Variants in SV2C observed in about 807,000 individuals in gnomAD.
SV2C encodes solute carrier family 22 member B3.
In SV2C, 49 loss-of-function variants were observed where a neutral mutation model predicts 79.7. The observed-to-expected ratio is 0.61, with a 90% CI of 0.49 to 0.78. The LOEUF (loss-of-function observed/expected upper bound fraction) is 0.78. Ranked by LOEUF, SV2C falls within the 30% of genes least tolerant of loss-of-function variation. The pLI is 0.00. For synonymous variants in SV2C, 334 were observed against 333.2 expected, an observed-to-expected ratio of 1.00 and a Z score of -0.03; for missense variants, 833 against 912.9, an observed-to-expected ratio of 0.91 and a Z score of 1.13.
chr5:75,886,074 T>A, the SV2C span, among the ~76,000 whole-genome samples: 1 of 152,068 alleles, frequency 6.6e-6, no homozygotes, highest in Non-Finnish European at 1.5e-5. Flanking sequence ...AATCTTTGAA[T>A]ACAAGCTTCT....
At chr5:76,158,670 G>A (rs1457675703) in intron 2 of SV2C, among the ~76,000 whole-genome samples, 1 of 151,886 alleles carries the variant, frequency 6.6e-6, no homozygotes, top group Non-Finnish European at 1.5e-5. Context: ...AAAATAGAAG[G>A]CATGAACAAC....
chr5:76,207,313 A>G (rs1744636604), intron 3 of SV2C, among the ~76,000 whole-genome samples: 1 of 152,236 alleles, frequency 6.6e-6, no homozygotes, highest in Admixed American at 6.5e-5. Flanking sequence ...CTGATGAAAC[A>G]TTAATGAGGA....
intron 10 of SV2C, 130 bp from the exon 11 acceptor site, chr5:76,300,599 C>T: frequency 1.1e-6 from 1 of 893,654 alleles, no homozygotes; most frequent in Non-Finnish European, 1.7e-6. Context: ...AAAAGTCAAG[C>T]TAGCATAGGC....
chr5:76,055,893 T>G, the SV2C span, among the ~76,000 whole-genome samples: 1 of 152,288 alleles, frequency 6.6e-6, no homozygotes, highest in African/African-American at 2.4e-5. Context: ...TAAGGAGTTT[T>G]GGGGCTGAGA....
chr5:76,073,501 G>GTATA, the SV2C span, among the ~76,000 whole-genome samples: 23 of 87,244 alleles, frequency 2.6e-4, no homozygotes, highest in South Asian at 8.6e-4. Context: ...ATGTATGTGT[G>GTATA]TGTATATATA....
chr5:76,188,665 T>C (rs1292419601), intron 2 of SV2C, among the ~76,000 whole-genome samples: 1 of 152,214 alleles, frequency 6.6e-6, no homozygotes, highest in Non-Finnish European at 1.5e-5. Flanking sequence ...AAGAATTTAA[T>C]AGAACAAGTA....
the SV2C span, among the ~76,000 whole-genome samples, chr5:75,997,525 G>A: frequency 6.6e-6 from 1 of 152,162 alleles, no homozygotes; most frequent in Non-Finnish European, 1.5e-5. Context: ...CAAAAAGTGG[G>A]TGAAGGGTAT....
the SV2C span, among the ~76,000 whole-genome samples, chr5:76,033,900 T>A: frequency 1.1e-4 from 16 of 151,850 alleles, no homozygotes; most frequent in Non-Finnish European, 1.5e-5. Flanking sequence ...TTCTTCCATT[T>A]GTTTGTATCC....
the SV2C span, among the ~76,000 whole-genome samples, chr5:75,865,639 C>A: frequency 6.6e-6 from 1 of 152,178 alleles, no homozygotes; most frequent in Non-Finnish European, 1.5e-5. Context: ...GGCCAATAGC[C>A]TTGCCAACTG....
At chr5:75,914,275 A>G in the SV2C span, among the ~76,000 whole-genome samples, 271 of 152,306 alleles carry the variant, frequency 1.8e-3, 1 homozygote, top group Non-Finnish European at 3.2e-3. Flanking sequence ...TACCAAATTT[A>G]TTTTTCCTTC....
the SV2C span, among the ~76,000 whole-genome samples, chr5:75,924,084 G>A: frequency 5.9e-5 from 9 of 152,210 alleles, no homozygotes; most frequent in African/African-American, 2.2e-4. Flanking sequence ...GCAATAAAAA[G>A]GAATAAAAGA....
At chr5:76,148,385 A>G (rs909129014) in intron 2 of SV2C, among the ~76,000 whole-genome samples, 2 of 151,822 alleles carry the variant, frequency 1.3e-5, no homozygotes, top group African/African-American at 2.4e-5. Context: ...AAAATTTTTA[A>G]CTCCCTTATT....
At chr5:76,063,621 C>T in the SV2C span, among the ~76,000 whole-genome samples, 1 of 152,104 alleles carries the variant, frequency 6.6e-6, no homozygotes, top group South Asian at 2.1e-4. Flanking sequence ...CTATGGTCCT[C>T]CCAGAGGACT....
At chr5:76,204,432 A>G (rs1408387193) in intron 3 of SV2C, among the ~76,000 whole-genome samples, 1 of 152,200 alleles carries the variant, frequency 6.6e-6, no homozygotes, top group Non-Finnish European at 1.5e-5. Context: ...TGTATTGAAC[A>G]TGTGACTTTA....
the SV2C span, among the ~76,000 whole-genome samples, chr5:75,997,953 A>G: frequency 5.7e-3 from 856 of 150,668 alleles, 7 homozygotes; most frequent in African/African-American, 0.02. Context: ...AATGTCCAAC[A>G]ATGATAGACT....
intron 2 of SV2C, among the ~76,000 whole-genome samples, chr5:76,176,869 A>C (rs1285329182): frequency 1.3e-5 from 2 of 152,206 alleles, no homozygotes; most frequent in Admixed American, 6.5e-5. Context: ...TAATCCCAGC[A>C]CTTTGGGAGA....
In SV2C at chr5:76,235,041, A is replaced by G. The variant is rs1290491593; in HGVS notation, c.913+25154A>G. ...TGTGTTTCATTTTGCTTTTAAAGCC[A>G]GCTAACATTCCACTTTTCCTATCGT... On this transcript the variant is annotated intron_variant, in intron 4 of 12. Transcript: ENST00000502798. 2.0e-5 allele frequency among the ~76,000 whole-genome samples: 3 copies of G among 152,220 alleles called. No homozygotes were observed. The East Asian group carries it at 5.8e-4, about 29-fold the overall frequency.
chr5:76,268,892 T>A (rs1306245570), intron 4 of SV2C, among the ~76,000 whole-genome samples: 2 of 152,196 alleles, frequency 1.3e-5, no homozygotes, highest in Non-Finnish European at 2.9e-5. Flanking sequence ...GAGCTTATAA[T>A]TGCATAGCAA....
intron 4 of SV2C, among the ~76,000 whole-genome samples, chr5:76,236,336 G>A (rs1217276647): frequency 6.6e-6 from 1 of 152,156 alleles, no homozygotes; most frequent in Non-Finnish European, 1.5e-5. Context: ...CTGGGAGGAA[G>A]GCAGGTGGAT....
Sources: allele counts gnomAD v4.1 joint callset (sites outside exome capture counted in the v4.1 genomes callset), GRCh38; gene constraint gnomAD v4.1.1; transcripts MANE v1.5; gene names NCBI Gene and HGNC (gene_info 2026-07-23, HGNC 2026-07-21).